Variants in MIGA1 observed in about 807,000 individuals in gnomAD.
MIGA1 encodes the protein mitoguardin 1.
In MIGA1, 58 loss-of-function variants were observed where a neutral mutation model predicts 82.0. That is an observed-to-expected ratio of 0.71 (90% CI 0.57 to 0.88). The LOEUF (loss-of-function observed/expected upper bound fraction) is 0.88, where lower values mean the gene tolerates loss of function less well. MIGA1 is among the 40% of genes least tolerant of loss of function. The probability of loss-of-function intolerance (pLI) is 0.00; values close to 1 mark genes in which losing one functional copy is unlikely to be tolerated. For synonymous variants in MIGA1, 249 were observed against 253.6 expected (o/e 0.98, Z 0.17); for missense variants, 751 against 749.1 (o/e 1.00, Z -0.03).
chr1:77,820,960 C>G (rs536228988), intron 7 of MIGA1, among the ~76,000 whole-genome samples: 71 of 151,916 alleles, frequency 4.7e-4, no homozygotes, highest in African/African-American at 1.7e-3. Flanking sequence ...CTGGTGAAAC[C>G]TCGTCTCTAC....
intron 5 of MIGA1, among the ~76,000 whole-genome samples, chr1:77,808,478 A>T (rs917162621): frequency 6.6e-6 from 1 of 152,128 alleles, no homozygotes; most frequent in Admixed American, 6.5e-5. Flanking sequence ...TGTTTTTTCT[A>T]GCTATCATTT....
intron 10 of MIGA1, chr1:77,859,783 G>A (rs1004065505): frequency 5.0e-6 from 2 of 396,402 alleles, no homozygotes; most frequent in East Asian, 8.0e-5. Context: ...TGGGGCTATA[G>A]GAAATTTATT....
At chr1:77,849,160 G>A (rs576345798) in intron 8 of MIGA1, among the ~76,000 whole-genome samples, 70 of 152,168 alleles carry the variant, frequency 4.6e-4, no homozygotes, top group Non-Finnish European at 9.1e-4. Context: ...AACATTTTGG[G>A]AGGCCGAGGC....
intron 13 of MIGA1, among the ~76,000 whole-genome samples, chr1:77,866,013 A>G (rs1270829661): frequency 6.6e-6 from 1 of 152,096 alleles, no homozygotes; most frequent in Non-Finnish European, 1.5e-5. Flanking sequence ...CCCGGGTTCA[A>G]GCAATTCTCC....
At chr1:77,804,315 C>G (rs995275868) in intron 4 of MIGA1, among the ~76,000 whole-genome samples, 16 of 152,020 alleles carry the variant, frequency 1.1e-4, no homozygotes, top group African/African-American at 3.9e-4. Context: ...TGCTGATTGA[C>G]AAGTGAGGAA....
chr1:77,846,442 T>G (rs1417858566), intron 8 of MIGA1, among the ~76,000 whole-genome samples: 1 of 152,016 alleles, frequency 6.6e-6, no homozygotes, highest in African/African-American at 2.4e-5. Flanking sequence ...TCTGCAATTG[T>G]GTATATGTAT....
At chr1:77,796,409 G>A (rs925252623) in intron 2 of MIGA1, among the ~76,000 whole-genome samples, 2 of 151,368 alleles carry the variant, frequency 1.3e-5, no homozygotes, top group African/African-American at 4.9e-5. Context: ...TGAGCCCACC[G>A]TGCCTGGTCT....
At chr1:77,849,759 C>T (rs1003331625) in intron 8 of MIGA1, among the ~76,000 whole-genome samples, 6 of 151,972 alleles carry the variant, frequency 3.9e-5, no homozygotes, top group African/African-American at 1.2e-4. Context: ...AAGGCATGGC[C>T]GTCCGTGGTG....
At chr1:77,815,315 T>TA (rs1347708701) in intron 7 of MIGA1, 84 bp downstream of exon 7, 1 of 1,111,538 alleles carries the variant, frequency 9.0e-7, no homozygotes, top group Non-Finnish European at 1.2e-6. Flanking sequence ...GTGTCTGTCT[T>TA]ATGTAATAAT....
intron 2 of MIGA1, among the ~76,000 whole-genome samples, chr1:77,801,096 C>T (rs1444338560): frequency 6.6e-6 from 1 of 151,930 alleles, no homozygotes; most frequent in East Asian, 1.9e-4. Flanking sequence ...CTCCTATTGA[C>T]TTTGGGGTAA....
rs1207408214 is a variant in MIGA1 at position 77,879,271 on chromosome 1, C to T, written c.*4207C>T. 1 of 152,016 alleles carries T rather than the reference C, an allele frequency of 6.6e-6. No individual in the cohort carries two copies. The allele number at this position is 152,016 out of a possible 1,614,324, so 9.4% of individuals were successfully genotyped here. On this transcript the variant is annotated 3_prime_UTR_variant, in exon 16 of 16. Coordinates refer to ENST00000370791, the MANE Select transcript of MIGA1 (RefSeq NM_198549.4). ...TGTGAAATTTAAGAATTTATATAAT[C>T]TGTGATTAGTGGAAATAAGAACATC... is the stretch of plus-strand genomic sequence containing the variant.
In MIGA1 at chr1:77,843,327, A is replaced by G. The variant is rs747478071; in HGVS notation, c.916A>G (p.Met306Val). The change falls in exon 8 of 16, where the codon ATG becomes GTG. Residue 306 changes from methionine to valine, a missense_variant. By Grantham distance (21) the Met-to-Val change is conservative. Around this residue, in one of 3 missense-constraint regions of MIGA1, gnomAD observed 482 missense variants for 439.4 expected, o/e 1.10. Transcript: ENST00000370791. Reference sequence around the variant, plus strand: ...TTAAGATAAAGATACAGATATCACCATGAAGGGTAATGTGGAAGACTTTGG... The same window carrying G: ...TTAAGATAAAGATACAGATATCACCGTGAAGGGTAATGTGGAAGACTTTGG... 2 of 1,613,424 alleles carry G rather than the reference A, an allele frequency of 1.2e-6. No individual in the cohort carries two copies. The highest frequency in any genetic ancestry group is 1.7e-6 in the Non-Finnish European group (2 of 1,179,370).
intron 2 of MIGA1, among the ~76,000 whole-genome samples, chr1:77,784,986 C>T (rs1422205302): frequency 1.3e-5 from 2 of 152,062 alleles, no homozygotes; most frequent in Non-Finnish European, 2.9e-5. Context: ...TCCCACAACA[C>T]GTGGGAATTC....
chr1:77,858,841 A>G, intron 8 of MIGA1, 97 bp from the exon 9 acceptor site: 1 of 705,800 alleles, frequency 1.4e-6, no homozygotes. Context: ...GCTGGTTTCA[A>G]ACTTCTGGGT....
chr1:77,853,188 A>G (rs1409614404), intron 8 of MIGA1, among the ~76,000 whole-genome samples: 2 of 152,196 alleles, frequency 1.3e-5, no homozygotes, highest in African/African-American at 4.8e-5. Flanking sequence ...CAGAATTCTG[A>G]AAATGGATAA....
chr1:77,859,873 G>A (rs1443571836), intron 10 of MIGA1, 167 bp from the exon 11 acceptor site: 2 of 538,616 alleles, frequency 3.7e-6, no homozygotes, highest in Middle Eastern at 4.9e-4. Context: ...TAGGTTTCAA[G>A]AGTTCTTTTT....
intron 4 of MIGA1, among the ~76,000 whole-genome samples, chr1:77,803,775 T>C (rs886166588): frequency 6.6e-6 from 1 of 150,786 alleles, no homozygotes; most frequent in Admixed American, 6.6e-5. Flanking sequence ...TAACGGGGGG[T>C]GGAGGGGAAG....
chr1:77,826,694 C>T (rs1370717363), intron 7 of MIGA1, among the ~76,000 whole-genome samples: 4 of 152,266 alleles, frequency 2.6e-5, no homozygotes, highest in South Asian at 2.1e-4. Context: ...AGGCTGGTCT[C>T]GAGCTCCTGG....
intron 2 of MIGA1, among the ~76,000 whole-genome samples, chr1:77,797,112 G>A (rs1682688941): frequency 6.6e-6 from 1 of 152,138 alleles, no homozygotes; most frequent in African/African-American, 2.4e-5. Context: ...CCACATTGTT[G>A]TTTGTCTGAA....
Sources: allele counts gnomAD v4.1 joint callset (sites outside exome capture counted in the v4.1 genomes callset), GRCh38; gene constraint gnomAD v4.1.1; regional missense constraint gnomAD v4.1.1; transcripts MANE v1.5; gene names NCBI Gene and HGNC (gene_info 2026-07-23, HGNC 2026-07-21).